SIDT1: variants seen among roughly 807,000 people sequenced by gnomAD.
SIDT1 encodes the protein SID1 transmembrane family, member 1.
Under a neutral mutation model 107.5 loss-of-function variants are expected in SIDT1, and 101 were observed. The observed-to-expected ratio is 0.94, with a 90% CI of 0.80 to 1.11. SIDT1 has a LOEUF of 1.11. Among genes scored for constraint, SIDT1 ranks in the 50% least tolerant of loss-of-function variants. The probability of loss-of-function intolerance (pLI) is 0.00; values close to 1 mark genes in which losing one functional copy is unlikely to be tolerated. For missense variants in SIDT1, 1,076 were observed against 1,058.2 expected (o/e 1.02, Z -0.23); for synonymous variants, 395 against 398.2 (o/e 0.99, Z 0.10).
intron 3 of SIDT1, among the ~76,000 whole-genome samples, chr3:113,575,048 G>T (rs3821682): frequency 0.26 from 39,338 of 152,040 alleles, 5,568 homozygotes; most frequent in East Asian, 0.59. Flanking sequence ...GGACATAAAT[G>T]GTAGTCTTAA....
At chr3:113,547,838 A>C (rs559547669) in intron 1 of SIDT1, among the ~76,000 whole-genome samples, 1 of 152,250 alleles carries the variant, frequency 6.6e-6, no homozygotes, top group East Asian at 1.9e-4. Context: ...GTTGGTCTCA[A>C]GACTGGCCAG....
intron 1 of SIDT1, among the ~76,000 whole-genome samples, chr3:113,549,464 A>T (rs1423341835): frequency 6.6e-6 from 1 of 152,182 alleles, no homozygotes; most frequent in Non-Finnish European, 1.5e-5. Context: ...ATAAGTGTAT[A>T]GTGGCATCTG....
intron 19 of SIDT1, 129 bp from the exon 20 acceptor site, chr3:113,615,971 G>A (rs1946075765): frequency 1.3e-6 from 1 of 745,630 alleles, no homozygotes; most frequent in Admixed American, 1.8e-5. Flanking sequence ...CCTATTAGGT[G>A]CAAAGCATTC....
At chr3:113,632,226 A>G (rs1947099528), downstream of SIDT1, among the ~76,000 whole-genome samples, 1 of 152,248 alleles carries the variant, frequency 6.6e-6, no homozygotes, top group African/African-American at 2.4e-5. Flanking sequence ...AAACTGATAT[A>G]CAATCTCAAC....
intron 18 of SIDT1, 80 bp downstream of exon 18, chr3:113,611,224 G>A (rs1576952849): frequency 1.5e-5 from 22 of 1,512,102 alleles, no homozygotes; most frequent in Non-Finnish European, 1.6e-5. Context: ...TCAAGTGAAC[G>A]GGTTTGGATT....
In SIDT1 at chr3:113,571,512, A is replaced by ACACACACACACACACACAC. The variant is rs1553789387; in HGVS notation, c.515+3802_515+3803insCACACACACACACACACAC. Among the ~76,000 whole-genome samples the ACACACACACACACACACAC allele has an allele frequency of 5.3e-5, 8 of 151,974 alleles. No individual in the cohort carries two copies. The East Asian group carries it at 5.8e-4, about 11-fold the overall frequency. On this transcript the variant is annotated intron_variant, in intron 3 of 24. Transcript: ENST00000264852. ...CACACACACACACACACACACACATAAACTGTGCCACTACTCTTTTTCTAC... is the reference window on the plus strand; with the variant it reads ...CACACACACACACACACACACACATACACACACACACACACACACAACTGTGCCACTACTCTTTTTCTAC...
At chr3:113,558,525 G>A (rs1429581802) in intron 1 of SIDT1, among the ~76,000 whole-genome samples, 2 of 152,164 alleles carry the variant, frequency 1.3e-5, no homozygotes, top group Admixed American at 6.5e-5. Flanking sequence ...AGCAAACAAT[G>A]TCTCCTCGTG....
chr3:113,608,092 A>G lies in SIDT1; in HGVS notation c.1479-2A>G. 5 of 1,599,942 alleles carry G rather than the reference A, an allele frequency of 3.1e-6. No homozygotes were observed. The highest frequency in any genetic ancestry group is 4.3e-6 in the Non-Finnish European group (5 of 1,173,700). On this transcript the variant is annotated splice_acceptor_variant, in intron 15 of 24. Transcript: ENST00000264852. LOFTEE classifies it high-confidence loss of function. ...CTCATGGTCTCTCACTCATCCCTGT[A>G]GTGCCTTCAACAACATTCTCAGCAA...
rs1945480244 is a variant in SIDT1 at position 113,608,230 on chromosome 3, T to A, written c.1602+13T>A. The A allele has an allele frequency of 6.4e-7, 1 of 1,571,578 alleles. No individual in the cohort carries two copies. Reference sequence around the variant, plus strand: ...CATCTTTGCTGTGGTGAGGAAAGAGTGGGTAGGAGCTAGGAAGGGTTATGG... The same window carrying A: ...CATCTTTGCTGTGGTGAGGAAAGAGAGGGTAGGAGCTAGGAAGGGTTATGG... On this transcript the variant is annotated intron_variant, in intron 16 of 24. Coordinates refer to ENST00000264852, the MANE Select transcript of SIDT1 (RefSeq NM_017699.3).
At chr3:113,589,716 T>G (rs1046670113) in intron 9 of SIDT1, 2 of 152,324 alleles carry the variant, frequency 1.3e-5, no homozygotes, top group Non-Finnish European at 2.9e-5. Flanking sequence ...GTATTTTTAG[T>G]AGAGACAGGG....
rs111533729 is a variant in SIDT1, at chr3:113,623,877, C to T, written c.2307+144C>T. ...AGGGATGGTTTTTAATAGCCGCACA[C>T]AAATGCACAATAACTGCATGCGTTA... On this transcript the variant is annotated intron_variant, in intron 23 of 24. Coordinates refer to ENST00000264852, the MANE Select transcript of SIDT1 (RefSeq NM_017699.3). The T allele has an allele frequency of 9.3e-4, 583 of 628,928 alleles. 8 individuals carry two copies. In the African/African-American group the frequency reaches 9.5e-3, roughly 10 times the overall value. 39.0% of individuals were successfully genotyped at this position (628,928 alleles called of 1,614,324 possible). A position where few individuals can be genotyped will look rare whatever the true frequency, so the allele number is the denominator to read the frequency against.
At chr3:113,580,990 C>T (rs1203342558) in intron 5 of SIDT1, among the ~76,000 whole-genome samples, 1 of 152,084 alleles carries the variant, frequency 6.6e-6, no homozygotes, top group South Asian at 2.1e-4. Flanking sequence ...CCAGGAAGAC[C>T]AAGTTGTGGG....
rs751895368 is a variant in SIDT1 at position 113,604,967 on chromosome 3, C to CTA, written c.1397_1398dup (p.Gln467IlefsTer5). 1 of 1,613,970 alleles carries CTA rather than the reference C, an allele frequency of 6.2e-7. No individual in the cohort carries two copies. Among genetic ancestry groups the CTA allele is most frequent in the Admixed American group, 1.7e-5 (1 of 60,020 alleles). On this transcript the variant is annotated frameshift_variant, in exon 14 of 25. Transcript: ENST00000264852. LOFTEE classifies it high-confidence loss of function. The stretch of plus-strand genomic sequence containing the variant: ...TGCCCGTGATCCAGCTGGTCATTAC[C>CTA]TATCAGACAGTAAGTGCTGCCCCAG...
chr3:113,585,327 TG>T, intron 9 of SIDT1, 57 bp downstream of exon 9: 1 of 1,252,814 alleles, frequency 8.0e-7, no homozygotes, highest in Non-Finnish European at 1.2e-6. Context: ...GTGTAACGCT[TG>T]CAGCACAGAC....
intron 19 of SIDT1, among the ~76,000 whole-genome samples, chr3:113,612,700 C>T (rs1323039198): frequency 6.6e-6 from 1 of 152,226 alleles, no homozygotes; most frequent in Non-Finnish European, 1.5e-5. Context: ...TCCAACTTAT[C>T]AGAGAGCATT....
At chr3:113,539,544 A>G (rs1279926635) in intron 1 of SIDT1, among the ~76,000 whole-genome samples, 1 of 152,222 alleles carries the variant, frequency 6.6e-6, no homozygotes, top group African/African-American at 2.4e-5. Context: ...TGGACATGCT[A>G]AGAAATAGAT....
At chr3:113,585,323 C>A in intron 9 of SIDT1, 53 bp downstream of exon 9, 2 of 1,332,126 alleles carry the variant, frequency 1.5e-6, no homozygotes, top group Non-Finnish European at 2.2e-6. Flanking sequence ...CTCTGTGTAA[C>A]GCTTGCAGCA....
intron 1 of SIDT1, among the ~76,000 whole-genome samples, chr3:113,561,569 A>C (rs1409097445): frequency 6.6e-6 from 1 of 152,208 alleles, no homozygotes; most frequent in Admixed American, 6.5e-5. Flanking sequence ...ATGGATGTAC[A>C]TCTCAGAATA....
At chr3:113,554,351 T>C (rs1489444092) in intron 1 of SIDT1, among the ~76,000 whole-genome samples, 1 of 152,200 alleles carries the variant, frequency 6.6e-6, no homozygotes, top group Non-Finnish European at 1.5e-5. Context: ...GGTTGGGCTG[T>C]GTCTCCATCC....
Sources: gnomAD v4.1 joint callset for allele counts (sites outside exome capture counted in the v4.1 genomes callset) on GRCh38, gnomAD v4.1.1 for gene constraint, MANE v1.5 for transcripts, NCBI Gene and HGNC (gene_info 2026-07-23, HGNC 2026-07-21) for gene names.